Variants in ESR1 observed in about 807,000 individuals in gnomAD.
ESR1 encodes the protein estrogen receptor 1, also known as estrogen receptor.
Under a neutral mutation model 52.7 loss-of-function variants are expected in ESR1, and 12 were observed. That is an observed-to-expected ratio of 0.23 (90% CI 0.15 to 0.37). The LOEUF is 0.37. ESR1 is among the 10% of genes least tolerant of loss of function. ESR1 has a pLI of 1.00. For synonymous variants in ESR1, 305 were observed against 316.8 expected (o/e 0.96, Z 0.39); for missense variants, 584 against 779.7 (o/e 0.75, Z 2.99).
intron 5 of ESR1, among the ~76,000 whole-genome samples, chr6:152,043,315 G>A (rs945199333): frequency 3.3e-5 from 5 of 152,112 alleles, no homozygotes; most frequent in African/African-American, 1.2e-4. Flanking sequence ...CCTGCTTAGT[G>A]GGCCCAAATC....
chr6:151,970,092 A>G (rs1235076051), intron 4 of ESR1, among the ~76,000 whole-genome samples: 1 of 152,048 alleles, frequency 6.6e-6, no homozygotes, highest in African/African-American at 2.4e-5. Context: ...GCCCCCGGAA[A>G]GGCCCTTACC....
chr6:151,686,088 T>TTTTAA (rs142764831), upstream of ESR1, among the ~76,000 whole-genome samples: 2 of 143,156 alleles, frequency 1.4e-5, no homozygotes, highest in Admixed American at 7.4e-5. Context: ...TTTTTTTTTT[T>TTTTAA]ATTTAGAGAC....
intron 4 of ESR1, among the ~76,000 whole-genome samples, chr6:151,946,943 C>T (rs1334690822): frequency 6.6e-6 from 1 of 152,122 alleles, no homozygotes; most frequent in Non-Finnish European, 1.5e-5. Flanking sequence ...AAAAACATAG[C>T]CCACACTGAA....
intron 3 of ESR1, among the ~76,000 whole-genome samples, chr6:151,938,007 A>T (rs187143869): frequency 1.1e-4 from 16 of 152,192 alleles, no homozygotes; most frequent in African/African-American, 3.6e-4. Flanking sequence ...TCTTTATTTC[A>T]TTCTTAATGA....
rs1562779217 is a variant in ESR1, at chr6:152,093,353, T to TC, written c.1370-1032_1370-1031insC. 1.2e-3 allele frequency among the ~76,000 whole-genome samples: 101 copies of TC among 85,848 alleles called. 1 individual carries two copies. Among genetic ancestry groups the TC allele is most frequent in the South Asian group, 5.4e-3 (11 of 2,032 alleles). 56.3% of individuals were successfully genotyped at this position (85,848 alleles called of 152,430 possible). On this transcript the variant is annotated intron_variant, in intron 6 of 7. Transcript: ENST00000206249. ...GGATCTCTCTCTCTCTCTCTCTCTCTTTCTCTCTCTCTCTCTCACCCCCCC... is the reference window on the plus strand; with the variant it reads ...GGATCTCTCTCTCTCTCTCTCTCTCTCTTCTCTCTCTCTCTCTCACCCCCCC...
At chr6:151,731,565 C>T (rs1201675726) in intron 2 of ESR1, among the ~76,000 whole-genome samples, 2 of 151,986 alleles carry the variant, frequency 1.3e-5, no homozygotes, top group Admixed American at 1.3e-4. Flanking sequence ...AGGTCAGCTC[C>T]CAACAAAGCC....
intron 2 of ESR1, among the ~76,000 whole-genome samples, chr6:151,783,261 A>G (rs1786717197): frequency 6.6e-6 from 1 of 152,158 alleles, no homozygotes; most frequent in Admixed American, 6.5e-5. Context: ...GATCCCCATA[A>G]GGGATCAGCA....
chr6:151,989,841 A>G (rs1288872961), intron 4 of ESR1, among the ~76,000 whole-genome samples: 1 of 152,014 alleles, frequency 6.6e-6, no homozygotes, highest in African/African-American at 2.4e-5. Flanking sequence ...TTTCACTCAT[A>G]CTTTGTATAC....
chr6:152,048,954 T>C (rs1046630797), intron 5 of ESR1, among the ~76,000 whole-genome samples: 2 of 152,238 alleles, frequency 1.3e-5, no homozygotes, highest in Non-Finnish European at 2.9e-5. Context: ...GTCTGTGTTA[T>C]TCCAAAACAT....
rs554040619 is a variant in ESR1, at chr6:151,737,988, G to A, written c.-71+35983G>A. On this transcript the variant is annotated intron_variant, in intron 2 of 2. Coordinates refer to the ESR1 transcript ENST00000404742. ...TTCTTTGAGCAGTCTTAGAATTGTG[G>A]TTTTAATGTTTTGTTATTGATGATG... 6.6e-5 allele frequency among the ~76,000 whole-genome samples: 10 copies of A among 152,256 alleles called. No individual in the cohort carries two copies. The East Asian group carries it at 1.9e-3, about 29-fold the overall frequency.
intron 4 of ESR1, among the ~76,000 whole-genome samples, chr6:151,979,004 A>C (rs972046955): frequency 1.3e-5 from 2 of 152,330 alleles, no homozygotes; most frequent in African/African-American, 4.8e-5. Context: ...GGTAGAACTA[A>C]AATATGAAAC....
chr6:151,969,709 G>A (rs906516272), intron 4 of ESR1, among the ~76,000 whole-genome samples: 3 of 152,246 alleles, frequency 2.0e-5, no homozygotes, highest in South Asian at 2.1e-4. Flanking sequence ...GGGCAGCTTC[G>A]GCTGACTTGC....
intron 2 of ESR1, among the ~76,000 whole-genome samples, chr6:151,849,689 T>TCG (rs574191321): frequency 1.4e-3 from 212 of 151,322 alleles, no homozygotes; most frequent in African/African-American, 4.9e-3. Context: ...CTAGAGGCTC[T>TCG]CTGAGAAGGA....
At chr6:151,711,616 G>T (rs1261396749) in intron 2 of ESR1, among the ~76,000 whole-genome samples, 1 of 152,166 alleles carries the variant, frequency 6.6e-6, no homozygotes, top group Non-Finnish European at 1.5e-5. Flanking sequence ...CAGTGATGAT[G>T]AGCTTTTTTT....
chr6:152,098,555 G>A lies in ESR1; in HGVS notation c.1554-177G>A, dbSNP rs1177694710. Among the ~76,000 whole-genome samples, 2 of 152,030 alleles carry A rather than the reference G, an allele frequency of 1.3e-5. No individual in the cohort carries two copies. The highest frequency in any genetic ancestry group is 2.9e-5 in the Non-Finnish European group (2 of 68,006). ...ACACGGCCATGAGTTCCAGATTAGG[G>A]CTTCTGAAAGCCCTCAGCTTTCCCA... On this transcript the variant is annotated intron_variant, in intron 7 of 7. Transcript: ENST00000206249. This position sits in a 1 kb window ranked among gnomAD's most constrained non-coding sequence, Gnocchi z 5.1.
intron 6 of ESR1, among the ~76,000 whole-genome samples, chr6:152,115,568 A>G (rs551959298): frequency 1.6e-4 from 25 of 152,240 alleles, no homozygotes; most frequent in Non-Finnish European, 3.5e-4. Flanking sequence ...GAATCTACCA[A>G]GGAAAAAGAA....
At chr6:151,956,497 T>G (rs887886415) in intron 4 of ESR1, among the ~76,000 whole-genome samples, 1 of 152,214 alleles carries the variant, frequency 6.6e-6, no homozygotes, top group Non-Finnish European at 1.5e-5. Context: ...CAGGTGCTGT[T>G]CCAAGCATTT....
intron 2 of ESR1, among the ~76,000 whole-genome samples, chr6:151,866,870 A>T (rs998734643): frequency 6.6e-6 from 1 of 152,000 alleles, no homozygotes; most frequent in Non-Finnish European, 1.5e-5. Flanking sequence ...GTCAAATACT[A>T]GAAGGCTACA....
chr6:152,024,130 A>C (rs1352497807), intron 5 of ESR1, among the ~76,000 whole-genome samples: 1 of 151,996 alleles, frequency 6.6e-6, no homozygotes, highest in Non-Finnish European at 1.5e-5. Context: ...CCATTTATTA[A>C]AAAGTCAGTA....
Sources: gnomAD v4.1 joint callset for allele counts (sites outside exome capture counted in the v4.1 genomes callset) on GRCh38, gnomAD v4.1.1 for gene constraint, Gnocchi (gnomAD v3.1) non-coding constraint, MANE v1.5 for transcripts, NCBI Gene and HGNC (gene_info 2026-07-23, HGNC 2026-07-21) for gene names.